SLC44A1: variants seen among roughly 807,000 people sequenced by gnomAD.
SLC44A1 encodes the protein choline transporter-like protein 1.
Under a neutral mutation model 79.3 loss-of-function variants are expected in SLC44A1, and 26 were observed. The ratio of observed to expected loss-of-function variants is 0.33; its 90% confidence interval spans 0.24 to 0.46. The LOEUF is 0.46. SLC44A1 is among the 20% of genes least tolerant of loss of function. The pLI is 1.00. For missense variants in SLC44A1, 688 were observed against 798.1 expected (o/e 0.86, Z 1.66); for synonymous variants, 263 against 286.2 (o/e 0.92, Z 0.82).
chr9:105,315,874 T>G (rs1358169748), intron 3 of SLC44A1, among the ~76,000 whole-genome samples: 1 of 152,230 alleles, frequency 6.6e-6, no homozygotes, highest in Non-Finnish European at 1.5e-5. Flanking sequence ...TTAAATCATA[T>G]TGCTGTTTAC....
At chr9:105,279,265 A>G (rs926075290) in intron 1 of SLC44A1, among the ~76,000 whole-genome samples, 3 of 152,082 alleles carry the variant, frequency 2.0e-5, no homozygotes, top group Non-Finnish European at 4.4e-5. Context: ...AAACATTTGA[A>G]AAAGCTCAAC....
intron 4 of SLC44A1, among the ~76,000 whole-genome samples, chr9:105,339,177 A>G (rs983628292): frequency 6.6e-6 from 1 of 152,240 alleles, no homozygotes; most frequent in Non-Finnish European, 1.5e-5. Context: ...GAAGATATTT[A>G]TAAATCAGAT....
chr9:105,322,423 T>C (rs1297411495), intron 3 of SLC44A1, among the ~76,000 whole-genome samples: 1 of 152,204 alleles, frequency 6.6e-6, no homozygotes, highest in East Asian at 1.9e-4. Flanking sequence ...AGTCTTATGA[T>C]TTTTAAATGT....
chr9:105,309,092 A>ACT lies in SLC44A1; in HGVS notation c.127-632_127-631insCT, dbSNP rs1588762525. ...ATTAAGAGCATGGCAGTGCTTCACG[A>ACT]TGTAATTCTTTGACTTGTATACAGC... On this transcript the variant is annotated intron_variant, in intron 2 of 15. Transcript: ENST00000374720. Among the ~76,000 whole-genome samples the ACT allele has an allele frequency of 2.0e-5, 3 of 152,296 alleles. No individual in the cohort carries two copies. The East Asian group carries it at 5.8e-4, about 29-fold the overall frequency.
intron 1 of SLC44A1, among the ~76,000 whole-genome samples, chr9:105,295,755 G>A (rs941553636): frequency 1.3e-5 from 2 of 152,118 alleles, no homozygotes; most frequent in Admixed American, 6.5e-5. Context: ...GACTTGGGGC[G>A]GGGAGTGGGG....
intron 1 of SLC44A1, among the ~76,000 whole-genome samples, chr9:105,295,312 A>G (rs1414491108): frequency 6.6e-6 from 1 of 152,200 alleles, no homozygotes; most frequent in African/African-American, 2.4e-5. Flanking sequence ...TTATTTTGGT[A>G]CTATTCAGTT....
At chr9:105,405,838 C>T (rs892379522) in intron 15 of SLC44A1, among the ~76,000 whole-genome samples, 11 of 151,984 alleles carry the variant, frequency 7.2e-5, no homozygotes, top group Non-Finnish European at 1.0e-4. Context: ...ATAACAGATG[C>T]GGCAAACGGC....
chr9:105,272,093 A>G (rs572801328), intron 1 of SLC44A1, among the ~76,000 whole-genome samples: 6 of 152,234 alleles, frequency 3.9e-5, no homozygotes, highest in Non-Finnish European at 7.3e-5. Context: ...CTTGCACATA[A>G]TAAGAGTTCA....
At chr9:105,338,954 A>G (rs1039979713) in intron 4 of SLC44A1, among the ~76,000 whole-genome samples, 4 of 152,232 alleles carry the variant, frequency 2.6e-5, no homozygotes, top group African/African-American at 9.6e-5. Flanking sequence ...GGTCCATGAA[A>G]GAGCCTAAAT....
At chr9:105,260,793 T>C (rs982797666) in intron 1 of SLC44A1, among the ~76,000 whole-genome samples, 1 of 152,172 alleles carries the variant, frequency 6.6e-6, no homozygotes, top group African/African-American at 2.4e-5. Context: ...ATTTTCTCCT[T>C]TCTTCAAGTC....
chr9:105,279,251 CA>C (rs1830289855), intron 1 of SLC44A1, among the ~76,000 whole-genome samples: 1 of 146,212 alleles, frequency 6.8e-6, no homozygotes, highest in African/African-American at 2.5e-5. Context: ...ATAATATGCT[CA>C]AAAAACATTT....
chr9:105,356,159 T>G, intron 5 of SLC44A1, 53 bp from the exon 6 acceptor site: 1 of 1,403,394 alleles, frequency 7.1e-7, no homozygotes. Context: ...GATGTGGCAT[T>G]TATATTAAGT....
chr9:105,392,861 G>T lies in SLC44A1; in HGVS notation c.*3805G>T, dbSNP rs1256757185. 3 of 985,172 alleles carry T rather than the reference G, an allele frequency of 3.0e-6. No individual in the cohort carries two copies. The highest frequency in any genetic ancestry group is 2.4e-6 in the Non-Finnish European group (2 of 829,852). The allele number at this position is 985,172 out of a possible 1,614,324, so 61.0% of individuals were successfully genotyped here. On this transcript the variant is annotated 3_prime_UTR_variant, in exon 16 of 16. Transcript: ENST00000374720. ...GTCATTTAAATTGGACTTTCCAATA[G>T]CCTTAACATGGCCTCTGAGAAGTTT...
intron 1 of SLC44A1, among the ~76,000 whole-genome samples, chr9:105,289,762 A>G (rs1051838885): frequency 6.6e-6 from 1 of 150,916 alleles, no homozygotes; most frequent in South Asian, 2.1e-4. Context: ...TGCAATCTTT[A>G]TGTTACTTCT....
At chr9:105,415,485 ACG>A (rs953037801) in intron 15 of SLC44A1, among the ~76,000 whole-genome samples, 1 of 152,202 alleles carries the variant, frequency 6.6e-6, no homozygotes, top group Non-Finnish European at 1.5e-5. Flanking sequence ...CCACGGAGGG[ACG>A]GAACCTTAGA....
chr9:105,426,103 A>G (rs1588880304), intron 15 of SLC44A1, among the ~76,000 whole-genome samples: 1 of 152,216 alleles, frequency 6.6e-6, no homozygotes, highest in Admixed American at 6.5e-5. Context: ...CAGTAGTCCA[A>G]AGGAGATGAT....
At chr9:105,347,265 A>G (rs1174261321) in intron 4 of SLC44A1, among the ~76,000 whole-genome samples, 3 of 152,058 alleles carry the variant, frequency 2.0e-5, no homozygotes, top group Admixed American at 1.3e-4. Context: ...TATCTTCATA[A>G]TACAAATGCA....
chr9:105,405,397 A>G (rs1829017116), intron 15 of SLC44A1, among the ~76,000 whole-genome samples: 1 of 151,836 alleles, frequency 6.6e-6, no homozygotes, highest in East Asian at 1.9e-4. Context: ...CCATCATTCC[A>G]CAAAAACGAT....
At chr9:105,370,025 T>C (rs1828051616) in intron 12 of SLC44A1, among the ~76,000 whole-genome samples, 1 of 152,254 alleles carries the variant, frequency 6.6e-6, no homozygotes, top group African/African-American at 2.4e-5. Context: ...AAGCAAATGT[T>C]GAGCGTGGGC....
Sources: gnomAD v4.1 joint callset for allele counts (sites outside exome capture counted in the v4.1 genomes callset) on GRCh38, gnomAD v4.1.1 for gene constraint, MANE v1.5 for transcripts, NCBI Gene and HGNC (gene_info 2026-07-23, HGNC 2026-07-21) for gene names.